Variants in TSPAN5 observed in about 807,000 individuals in gnomAD.
The protein encoded by TSPAN5 is tetraspanin-5.
TSPAN5 carries 10 observed loss-of-function variants against 37.1 expected under a neutral mutation model. That is an observed-to-expected ratio of 0.27 (90% CI 0.17 to 0.46). The LOEUF is 0.46. Among genes scored for constraint, TSPAN5 ranks in the 20% least tolerant of loss-of-function variants. The pLI is 1.00. For missense variants in TSPAN5, 195 were observed against 326.6 expected (o/e 0.60, Z 3.11); for synonymous variants, 110 against 118.9 (o/e 0.93, Z 0.48).
Position 98,510,632 on chromosome 4 carries a change from G to T in TSPAN5, c.82-2904C>A, listed in dbSNP as rs201099509. 8.5e-5 allele frequency among the ~76,000 whole-genome samples: 13 copies of T among 152,152 alleles called. No homozygotes were observed. The East Asian group carries it at 2.5e-3, about 29-fold the overall frequency. On this transcript the variant is annotated intron_variant, in intron 1 of 7. Transcript: ENST00000305798. ...GGAAACCAATGGTTTTCCATAAAGAGGAGAGAGAAAAAAAGTAGGGATTTA... is the reference window on the plus strand; with the variant it reads ...GGAAACCAATGGTTTTCCATAAAGATGAGAGAGAAAAAAAGTAGGGATTTA...
chr4:98,476,225 G>A lies in TSPAN5; in HGVS notation c.705C>T (p.Ile235=), dbSNP rs376237419. The change falls in exon 7 of 8, where the codon ATC becomes ATT. Residue 235 remains isoleucine (I), a synonymous_variant. Coordinates refer to ENST00000305798, the MANE Select transcript of TSPAN5 (RefSeq NM_005723.4). ...CAATGCCTATGAAAATACCAGCAAC[G>A]ATGGTTAAATTGTCCTGCAACCACT... ...FEKWLQDNLT[I]VAGIFIGIAL... 62 of 1,614,030 alleles carry A rather than the reference G, an allele frequency of 3.8e-5. No individual in the cohort carries two copies. The highest frequency in any genetic ancestry group is 1.9e-4 in the South Asian group (17 of 91,088).
At chr4:98,642,424 A>G (rs539091562) in intron 1 of TSPAN5, among the ~76,000 whole-genome samples, 2 of 152,308 alleles carry the variant, frequency 1.3e-5, no homozygotes, top group East Asian at 3.9e-4. Context: ...ACTAATAACC[A>G]CAAAATTTTT....
intron 1 of TSPAN5, among the ~76,000 whole-genome samples, chr4:98,530,208 G>A (rs1353500624): frequency 6.6e-6 from 1 of 152,202 alleles, no homozygotes; most frequent in Non-Finnish European, 1.5e-5. Context: ...TGGGACCAGA[G>A]CAAATGAGAG....
chr4:98,622,220 C>G (rs1273546018), intron 1 of TSPAN5, among the ~76,000 whole-genome samples: 1 of 152,168 alleles, frequency 6.6e-6, no homozygotes, highest in African/African-American at 2.4e-5. Flanking sequence ...GCTGGGATTA[C>G]AGGTGCCCAC....
chr4:98,590,553 AC>A (rs1388814201), intron 1 of TSPAN5, among the ~76,000 whole-genome samples: 1 of 152,102 alleles, frequency 6.6e-6, no homozygotes, highest in Non-Finnish European at 1.5e-5. Context: ...TACTAAAAAT[AC>A]AAAAAATTAG....
chr4:98,628,314 C>T (rs1178074854), intron 1 of TSPAN5, among the ~76,000 whole-genome samples: 1 of 151,940 alleles, frequency 6.6e-6, no homozygotes, highest in Non-Finnish European at 1.5e-5. Context: ...TTTTGAAGGA[C>T]ATGTCTAGAT....
chr4:98,599,765 C>T (rs1755842560), intron 1 of TSPAN5, among the ~76,000 whole-genome samples: 1 of 152,136 alleles, frequency 6.6e-6, no homozygotes, highest in Non-Finnish European at 1.5e-5. Flanking sequence ...TAAATTTGTT[C>T]CCTTTTGTTG....
intron 1 of TSPAN5, among the ~76,000 whole-genome samples, chr4:98,647,682 G>A (rs1419100683): frequency 5.3e-5 from 8 of 152,076 alleles, no homozygotes; most frequent in Non-Finnish European, 1.2e-4. Flanking sequence ...TAGATGTTTT[G>A]CCATCCACAA....
chr4:98,528,748 CT>C (rs1168474196), intron 1 of TSPAN5, among the ~76,000 whole-genome samples: 2 of 152,050 alleles, frequency 1.3e-5, no homozygotes, highest in Non-Finnish European at 2.9e-5. Context: ...AAAACAGGAA[CT>C]TTTTTTATTG....
intron 1 of TSPAN5, among the ~76,000 whole-genome samples, chr4:98,540,137 G>A (rs1754324881): frequency 6.6e-6 from 1 of 152,210 alleles, no homozygotes; most frequent in Admixed American, 6.5e-5. Context: ...TTTGTTTTAA[G>A]CTGCTAAATT....
At chr4:98,509,726 C>A (rs577686665) in intron 1 of TSPAN5, 23 of 152,290 alleles carry the variant, frequency 1.5e-4, no homozygotes, top group Admixed American at 1.2e-3. Flanking sequence ...AAGTGAATCT[C>A]CAAAAGACTC....
chr4:98,520,575 G>A (rs896759751), intron 1 of TSPAN5, among the ~76,000 whole-genome samples: 3 of 152,218 alleles, frequency 2.0e-5, no homozygotes, highest in Admixed American at 1.3e-4. Flanking sequence ...GCCCCCAGGT[G>A]TAGTGGCGAG....
intron 1 of TSPAN5, among the ~76,000 whole-genome samples, chr4:98,571,699 C>T (rs551817469): frequency 1.3e-5 from 2 of 152,206 alleles, no homozygotes; most frequent in Non-Finnish European, 2.9e-5. Context: ...ATGCAAATCA[C>T]GGCTGCTCCT....
At chr4:98,574,587 G>A (rs1314721803) in intron 1 of TSPAN5, 1 of 152,172 alleles carries the variant, frequency 6.6e-6, no homozygotes, top group East Asian at 1.9e-4. Context: ...AATGTCCTAG[G>A]GTGTCACAAA....
chr4:98,536,452 G>A (rs1578975664), intron 1 of TSPAN5, among the ~76,000 whole-genome samples: 1 of 152,194 alleles, frequency 6.6e-6, no homozygotes, highest in South Asian at 2.1e-4. Context: ...CCTACTGGGA[G>A]GTGTCTCCCA....
At chr4:98,570,611 C>T (rs1052076685) in intron 1 of TSPAN5, among the ~76,000 whole-genome samples, 1 of 151,968 alleles carries the variant, frequency 6.6e-6, no homozygotes, top group African/African-American at 2.4e-5. Context: ...AGAAAAATGC[C>T]ACGTGAAAAG....
chr4:98,582,770 C>T (rs1048253296), intron 1 of TSPAN5, among the ~76,000 whole-genome samples: 1 of 152,154 alleles, frequency 6.6e-6, no homozygotes, highest in African/African-American at 2.4e-5. Flanking sequence ...CCAGCACTGA[C>T]CCCACTATAT....
intron 2 of TSPAN5, among the ~76,000 whole-genome samples, chr4:98,492,543 C>T (rs1054616215): frequency 6.6e-6 from 1 of 152,132 alleles, no homozygotes; most frequent in Non-Finnish European, 1.5e-5. Context: ...CTTCAGTCCT[C>T]CATGCACGTA....
chr4:98,548,433 A>G (rs1244208559), intron 1 of TSPAN5, among the ~76,000 whole-genome samples: 1 of 152,236 alleles, frequency 6.6e-6, no homozygotes, highest in Non-Finnish European at 1.5e-5. Flanking sequence ...AACGTGATGA[A>G]GCAATGATGG....
Sources: allele counts gnomAD v4.1 joint callset (sites outside exome capture counted in the v4.1 genomes callset), GRCh38; gene constraint gnomAD v4.1.1; transcripts MANE v1.5; gene names NCBI Gene and HGNC (gene_info 2026-07-23, HGNC 2026-07-21).